LRIG2: variants seen among roughly 807,000 people sequenced by gnomAD.
The protein encoded by LRIG2 is leucine rich repeats and immunoglobulin like domains 2.
In LRIG2, 93 loss-of-function variants were observed where a neutral mutation model predicts 107.8. The observed-to-expected ratio is 0.86, with a 90% CI of 0.73 to 1.03. The LOEUF is 1.03. LRIG2 is among the 50% of genes least tolerant of loss of function. The pLI is 0.00. For missense variants in LRIG2, 1,226 were observed against 1,296.0 expected (o/e 0.95, Z 0.83); for synonymous variants, 471 against 470.6 (o/e 1.00, Z -0.01).
intron 16 of LRIG2, among the ~76,000 whole-genome samples, 190 bp downstream of exon 16, chr1:113,116,626 T>G (rs918656122): frequency 1.3e-5 from 2 of 152,124 alleles, no homozygotes; most frequent in African/African-American, 4.8e-5. Context: ...TCTTACAGAG[T>G]GGAGAAACAC....
rs1480656557 is a variant in LRIG2, at chr1:113,114,441, A to G, written c.2095A>G (p.Ile699Val). 1 of 1,583,692 alleles carries G rather than the reference A, an allele frequency of 6.3e-7. No individual in the cohort carries two copies. The highest frequency in any genetic ancestry group is 8.6e-7 in the Non-Finnish European group (1 of 1,165,950). ...TTTCCTGTTAGAGACACCCTCATTT[A>G]TTAGACCCCTGGAGGATAAGACAGT... Reference protein sequence around the residue: ...SLTVLETPSFIRPLEDKTVTR... With the variant: ...SLTVLETPSFVRPLEDKTVTR... The change falls in exon 15 of 18, where the codon ATT becomes GTT. Residue 699 changes from isoleucine (I) to valine (V), a missense_variant. Physicochemically the swap from Ile to Val is conservative, Grantham distance 29. This residue lies in a region of LRIG2 where 642 missense variants were observed against 712.2 expected (regional missense o/e 0.90). Transcript: ENST00000361127.
chr1:113,105,878 A>G (rs904094572), intron 11 of LRIG2, among the ~76,000 whole-genome samples: 1 of 152,250 alleles, frequency 6.6e-6, no homozygotes, highest in Admixed American at 6.5e-5. Context: ...CTCTTGTTTA[A>G]TAACAATATG....
intron 17 of LRIG2, among the ~76,000 whole-genome samples, chr1:113,120,809 C>T (rs1570776783): frequency 6.8e-6 from 1 of 147,830 alleles, no homozygotes; most frequent in African/African-American, 2.5e-5. Context: ...TGTGCCCGGC[C>T]TACTGAGAAG....
chr1:113,107,493 T>C, intron 11 of LRIG2, 101 bp from the exon 12 acceptor site: 1 of 1,082,860 alleles, frequency 9.2e-7, no homozygotes, highest in Non-Finnish European at 1.3e-6. Context: ...TAAATGTTTT[T>C]GGCAAGAATA....
At chr1:113,119,946 A>T (rs1459552731) in intron 17 of LRIG2, among the ~76,000 whole-genome samples, 2 of 151,954 alleles carry the variant, frequency 1.3e-5, no homozygotes, top group Admixed American at 1.3e-4. Flanking sequence ...AGAAGCTGGG[A>T]CTACAGGCGT....
chr1:113,089,698 T>TTTG (rs1351949299), intron 1 of LRIG2, among the ~76,000 whole-genome samples: 10 of 144,588 alleles, frequency 6.9e-5, no homozygotes, highest in African/African-American at 2.7e-4. Flanking sequence ...TTTTTTTTTT[T>TTTG]GGAGACAGAG....
intron 13 of LRIG2, among the ~76,000 whole-genome samples, chr1:113,111,748 G>A (rs535153520): frequency 6.6e-6 from 1 of 151,634 alleles, no homozygotes; most frequent in East Asian, 1.9e-4. Flanking sequence ...GTTTTTTAAT[G>A]ATACTTTTGA....
rs1306487410 is a variant in LRIG2, at chr1:113,131,801, TTTGTGTGTG to T, written c.*7702_*7710del. On this transcript the variant is annotated 3_prime_UTR_variant, in exon 18 of 18. Transcript: ENST00000361127. ...AGGTTTTGTCAGTAGTAAGGTAGGT[TTTGTGTGTG>T]TGTGTGTGTGTGTGTGTGTGTGTGT... is the stretch of plus-strand genomic sequence containing the variant. 1 of 75,690 alleles carries T rather than the reference TTTGTGTGTG, an allele frequency of 1.3e-5. No individual in the cohort carries two copies. Among genetic ancestry groups the T allele is most frequent in the Non-Finnish European group, 2.6e-5 (1 of 37,742 alleles). The allele number at this position is 75,690 out of a possible 1,614,324, so 4.7% of individuals were successfully genotyped here.
chr1:113,093,417 CTTTG>C lies in LRIG2; in HGVS notation c.381-9_381-6del, dbSNP rs1653911070. 1.2e-6 allele frequency: 2 copies of C among 1,612,734 alleles called. No homozygotes were observed. The highest frequency in any genetic ancestry group is 1.7e-6 in the Non-Finnish European group (2 of 1,179,488). ...TCAGTGGCAGCAGCTTCATTATAAT[CTTTG>C]TTTTACAGAGTCCATAATATAATCC... On this transcript the variant is annotated splice_polypyrimidine_tract_variant and intron_variant, in intron 3 of 17. Coordinates refer to ENST00000361127, the MANE Select transcript of LRIG2 (RefSeq NM_014813.3).
At chr1:113,080,298 C>T (rs945414020) in intron 1 of LRIG2, among the ~76,000 whole-genome samples, 13 of 152,110 alleles carry the variant, frequency 8.5e-5, no homozygotes, top group African/African-American at 9.7e-5. Context: ...GGATTACAGG[C>T]GTGAGCCACT....
At chr1:113,111,161 G>A (rs567273638) in intron 13 of LRIG2, among the ~76,000 whole-genome samples, 2 of 152,020 alleles carry the variant, frequency 1.3e-5, no homozygotes, top group African/African-American at 2.4e-5. Flanking sequence ...CCTGTAATTC[G>A]AGTAGCTGGA....
chr1:113,109,336 C>T (rs1378572060), intron 12 of LRIG2, among the ~76,000 whole-genome samples: 3 of 152,194 alleles, frequency 2.0e-5, no homozygotes, highest in Non-Finnish European at 4.4e-5. Context: ...ATTTTATTAG[C>T]CAGTCCTAAG....
At chr1:113,097,578 A>T (rs528708924) in intron 8 of LRIG2, among the ~76,000 whole-genome samples, 63 of 152,316 alleles carry the variant, frequency 4.1e-4, no homozygotes, top group African/African-American at 1.5e-3. Context: ...AGAAACTTAG[A>T]TGTAGCTGCA....
chr1:113,093,261 A>G lies in LRIG2; in HGVS notation c.361A>G (p.Asn121Asp). The part of the protein sequence containing the change: ...EIPYFGEPTS[N>D]ITLLSLVHNI... ...CCCGTATTTTGGAGAACCTACATCT[A>G]ATATTACTCTACTTTCATTGTAAGT... The change falls in exon 3 of 18, where the codon AAT becomes GAT. Residue 121 changes from asparagine (N) to aspartate (D), a missense_variant. Asn to Asp is a conservative substitution (Grantham distance 23). Coordinates refer to ENST00000361127, the MANE Select transcript of LRIG2 (RefSeq NM_014813.3). 1 of 1,594,664 alleles carries G rather than the reference A, an allele frequency of 6.3e-7. No homozygotes were observed. The highest frequency in any genetic ancestry group is 8.6e-7 in the Non-Finnish European group (1 of 1,169,466).
chr1:113,128,606 G>A lies in LRIG2; in HGVS notation c.*4505G>A, dbSNP rs1655578184. 1 of 152,174 alleles carries A rather than the reference G, an allele frequency of 6.6e-6. No homozygotes were observed. Among genetic ancestry groups the A allele is most frequent in the South Asian group, 2.1e-4 (1 of 4,824 alleles). The allele number at this position is 152,174 out of a possible 1,614,324, so 9.4% of individuals were successfully genotyped here. A position where few individuals can be genotyped will look rare whatever the true frequency, so the allele number is the denominator to read the frequency against. On this transcript the variant is annotated 3_prime_UTR_variant, in exon 18 of 18. Transcript: ENST00000361127. The stretch of plus-strand genomic sequence containing the variant: ...GTTCGAGTAGAACAAGAGTGATGCT[G>A]CTCATTCTGACTTGAGCCAGATGTA...
Position 113,095,930 on chromosome 1 carries a change from G to C in LRIG2, c.860G>C (p.Arg287Pro). 6.2e-7 allele frequency: 1 copy of C among 1,614,146 alleles called. No individual in the cohort carries two copies. The highest frequency in any genetic ancestry group is 8.5e-7 in the Non-Finnish European group (1 of 1,180,014). Residue 287 changes from arginine (R) to proline (P), a missense_variant, in exon 7 of 18, where the codon CGA (arginine) becomes CCA (proline). By Grantham distance (103) the Arg-to-Pro change is moderately radical. Around this residue, in one of 3 missense-constraint regions of LRIG2, gnomAD observed 570 missense variants for 550.2 expected, o/e 1.04. Coordinates refer to ENST00000361127, the MANE Select transcript of LRIG2 (RefSeq NM_014813.3). ...AACAAGGGGTGGTTGTATGGCTTGC[G>C]AATGTTACAGCAGCTCTATGTGAGC... Reference protein sequence around the residue: ...RVNKGWLYGLRMLQQLYVSQN... With the variant: ...RVNKGWLYGLPMLQQLYVSQN...
Position 113,100,212 on chromosome 1 carries a change from A to G in LRIG2, c.1174A>G (p.Ile392Val). ...FAGLTSLTKL[I>V]LQGNQIKSIT... Reference sequence around the variant, plus strand: ...TAGAAAGATCTGTTTATATTTCAGAATCTTACAAGGAAACCAGATTAAGTC... The same window carrying G: ...TAGAAAGATCTGTTTATATTTCAGAGTCTTACAAGGAAACCAGATTAAGTC... Residue 392 changes from isoleucine (I) to valine (V), a missense_variant and splice_region_variant, in exon 10 of 18, where the codon ATC becomes GTC. Coordinates refer to ENST00000361127, the MANE Select transcript of LRIG2 (RefSeq NM_014813.3). The G allele has an allele frequency of 1.3e-6, 2 of 1,558,368 alleles. No homozygotes were observed. The highest frequency in any genetic ancestry group is 1.8e-6 in the Non-Finnish European group (2 of 1,139,926).
At chr1:113,074,402 CCACTGTTGAGTTTT>C (rs1211273108) in intron 1 of LRIG2, among the ~76,000 whole-genome samples, 1 of 152,128 alleles carries the variant, frequency 6.6e-6, no homozygotes, top group Non-Finnish European at 1.5e-5. Context: ...TCTGGAGTTT[CCACTGTTGAGTTTT>C]CACTTTGACA....
In LRIG2 at chr1:113,093,529, G is replaced by T; in HGVS notation, c.480G>T (p.Lys160Asn). The change falls in exon 4 of 18, where the codon AAG (lysine) becomes AAT (asparagine). Residue 160 changes from lysine to asparagine, a missense_variant. Physicochemically the swap from Lys to Asn is moderately conservative, Grantham distance 94 (BLOSUM62 0). Around this residue, in one of 3 missense-constraint regions of LRIG2, gnomAD observed 570 missense variants for 550.2 expected, o/e 1.04. Coordinates refer to ENST00000361127, the MANE Select transcript of LRIG2 (RefSeq NM_014813.3). ...DLSSNIISEI[K>N]TSSFPRMQLK... ...GCTCAAATATAATATCAGAAATCAA[G>T]ACATCTTCATTTCCTCGCATGCAGC... The T allele has an allele frequency of 1.9e-6, 3 of 1,580,818 alleles. No homozygotes were observed. The highest frequency in any genetic ancestry group is 2.6e-6 in the Non-Finnish European group (3 of 1,160,370).
Sources: allele counts gnomAD v4.1 joint callset (sites outside exome capture counted in the v4.1 genomes callset), GRCh38; gene constraint gnomAD v4.1.1; regional missense constraint gnomAD v4.1.1; transcripts MANE v1.5; gene names NCBI Gene and HGNC (gene_info 2026-07-23, HGNC 2026-07-21).